TRARG1: variants seen among roughly 807,000 people sequenced by gnomAD.
TRARG1 encodes the protein trafficking regulator of GLUT4 1.
TRARG1 carries 16 observed loss-of-function variants against 13.3 expected under a neutral mutation model. The observed-to-expected ratio is 1.20, with a 90% CI of 0.81 to 1.83. The LOEUF is 1.83. TRARG1 is among the 40% of genes most tolerant of loss of function. The probability of loss-of-function intolerance (pLI) is 0.00; values close to 1 mark genes in which losing one functional copy is unlikely to be tolerated. For synonymous variants in TRARG1, 113 were observed against 106.2 expected, an observed-to-expected ratio of 1.06 and a Z score of -0.39; for missense variants, 250 against 237.4, an observed-to-expected ratio of 1.05 and a Z score of -0.35.
At chr17:1,295,744 G>GC (rs1567933279) in intron 2 of TRARG1, 121 bp downstream of exon 2, 2 of 1,242,144 alleles carry the variant, frequency 1.6e-6, no homozygotes, top group Admixed American at 5.1e-5. Context: ...GCTGGTGGGG[G>GC]CCCCGGCCTT....
intron 1 of TRARG1, among the ~76,000 whole-genome samples, chr17:1,282,100 ATG>A (rs1428418210): frequency 6.2e-5 from 9 of 145,326 alleles, no homozygotes; most frequent in South Asian, 4.4e-4. Context: ...ATATACGTAT[ATG>A]TGTACACATA....
intron 1 of TRARG1, among the ~76,000 whole-genome samples, chr17:1,282,062 G>GTGTACACATA (rs1725213159): frequency 2.8e-5 from 4 of 145,378 alleles, no homozygotes; most frequent in Admixed American, 2.7e-4. Flanking sequence ...ATATGTACAT[G>GTGTACACATA]TATACACATA....
At position 1,295,495 on chromosome 17, in the gene TRARG1, G is replaced by A. The variant is rs200319809; in HGVS notation, c.392G>A (p.Arg131Gln). 17 of 1,606,342 alleles carry A rather than the reference G, an allele frequency of 1.1e-5. No individual in the cohort carries two copies. The highest frequency in any genetic ancestry group is 1.7e-4 in the Middle Eastern group (1 of 6,030). ...LIPLIISIMS[R>Q]SSMQQGNVDG... ...CTCTCTGTGCTCTCTCCGCAGTCTC[G>A]AAGCAGCATGCAACAGGGCAACGTG... The change falls in exon 2 of 3, where the codon CGA (arginine) becomes CAA (glutamine). Residue 131 changes from arginine (R) to glutamine (Q), a missense_variant. Transcript: ENST00000333813.
In TRARG1 at chr17:1,279,930, A is replaced by G. The variant is rs2071958971; in HGVS notation, c.-72A>G. ...GGAGGCCCTCAGTCTGGGCTGGGGA[A>G]TGGCGCGCTGAGGTCCCTCCAGAGC... On this transcript the variant is annotated 5_prime_UTR_variant, in exon 1 of 3. The change abolishes an upstream ATG in the 5' untranslated region. Transcript: ENST00000333813. 6.6e-7 allele frequency: 1 copy of G among 1,511,822 alleles called. No homozygotes were observed. Among genetic ancestry groups the G allele is most frequent in the Admixed American group, 2.1e-5 (1 of 47,560 alleles). 93.7% of individuals were successfully genotyped at this position (1,511,822 alleles called of 1,614,324 possible). A position where few individuals can be genotyped will look rare whatever the true frequency, so the allele number is the denominator to read the frequency against.
At chr17:1,295,444 C>T (rs1234055940) in intron 1 of TRARG1, 47 bp from the exon 2 acceptor site, 36 of 1,549,070 alleles carry the variant, frequency 2.3e-5, no homozygotes, top group Non-Finnish European at 3.1e-5. Flanking sequence ...ATGAAGCTGA[C>T]CCACAGCCTT....
chr17:1,291,072 A>AT (rs200015111), intron 1 of TRARG1, among the ~76,000 whole-genome samples: 5,661 of 151,784 alleles, frequency 0.037, 159 homozygotes, highest in South Asian at 0.14. Context: ...TGCCCCGCTC[A>AT]TTTTTTTGTA....
intron 1 of TRARG1, among the ~76,000 whole-genome samples, chr17:1,290,837 T>C (rs2150810192): frequency 6.6e-6 from 1 of 151,826 alleles, no homozygotes; most frequent in Non-Finnish European, 1.5e-5. Context: ...GGTCATTGAA[T>C]CATGGGGGTG....
At chr17:1,282,223 T>C (rs1267170061) in intron 1 of TRARG1, among the ~76,000 whole-genome samples, 4 of 93,204 alleles carry the variant, frequency 4.3e-5, no homozygotes, top group Admixed American at 1.0e-4. Flanking sequence ...CGTATACACG[T>C]GCGTATATGT....
In TRARG1 at chr17:1,280,314, C is replaced by T; in HGVS notation, c.313C>T (p.Leu105Phe). ...AGACCAAGAAGCCCCCAGAGATTAC[C>T]TCATCCTGGCCGTCGTCGCCTGCTT... ...AQDQEAPRDYLILAVVACFCP... is the reference protein window; with the variant it reads ...AQDQEAPRDYFILAVVACFCP... Residue 105 changes from leucine (L) to phenylalanine (F), a missense_variant, in exon 1 of 3, where the codon CTC becomes TTC. By Grantham distance (22) the Leu-to-Phe change is conservative. Coordinates refer to ENST00000333813, the MANE Select transcript of TRARG1 (RefSeq NM_172367.3). 2 of 1,613,862 alleles carry T rather than the reference C, an allele frequency of 1.2e-6. No individual in the cohort carries two copies. The highest frequency in any genetic ancestry group is 1.7e-6 in the Non-Finnish European group (2 of 1,179,878).
rs35978298 is a variant in TRARG1, at chr17:1,297,592, CTTTTT to C, written c.521-637_521-633del. Among the ~76,000 whole-genome samples the C allele has an allele frequency of 7.9e-3, 771 of 97,906 alleles. 11 individuals are homozygous for C. Among genetic ancestry groups the C allele is most frequent in the African/African-American group, 0.029 (725 of 25,252 alleles). 64.2% of individuals were successfully genotyped at this position (97,906 alleles called of 152,430 possible). ...CTGCTGCTTGTTATTTTAGCCAGGA[CTTTTT>C]TTTTTTTTTTTTTTTTTTTTTCCCC... On this transcript the variant is annotated intron_variant, in intron 2 of 2. Coordinates refer to ENST00000333813, the MANE Select transcript of TRARG1 (RefSeq NM_172367.3).
At chr17:1,282,953 G>C (rs1351373746) in intron 1 of TRARG1, among the ~76,000 whole-genome samples, 1 of 152,164 alleles carries the variant, frequency 6.6e-6, no homozygotes, top group Non-Finnish European at 1.5e-5. Flanking sequence ...GCCGCCCAAA[G>C]TGCTGGGATT....
chr17:1,298,027 C>T (rs1033176510), intron 2 of TRARG1, among the ~76,000 whole-genome samples: 2 of 152,206 alleles, frequency 1.3e-5, no homozygotes, highest in African/African-American at 4.8e-5. Flanking sequence ...CCACCTCTGA[C>T]CCAGTGCCAC....
At chr17:1,296,520 T>TC (rs2072111912) in intron 2 of TRARG1, among the ~76,000 whole-genome samples, 1 of 145,830 alleles carries the variant, frequency 6.9e-6, no homozygotes, top group South Asian at 2.2e-4. Flanking sequence ...CTCTTTCTTT[T>TC]TTTTTTTTTG....
intron 1 of TRARG1, among the ~76,000 whole-genome samples, chr17:1,287,982 C>G (rs1411280488): frequency 6.6e-6 from 1 of 151,884 alleles, no homozygotes; most frequent in Non-Finnish European, 1.5e-5. Flanking sequence ...AACAAGAGTG[C>G]CCTCCCCACT....
intron 1 of TRARG1, among the ~76,000 whole-genome samples, chr17:1,284,902 G>A (rs998376548): frequency 2.0e-5 from 3 of 151,756 alleles, no homozygotes; most frequent in South Asian, 4.2e-4. Flanking sequence ...GGATGGTCTC[G>A]ATCTCCTGAC....
At chr17:1,287,553 G>C (rs1453233375) in intron 1 of TRARG1, among the ~76,000 whole-genome samples, 5 of 151,850 alleles carry the variant, frequency 3.3e-5, no homozygotes, top group Admixed American at 3.3e-4. Flanking sequence ...TAGTAGAGAT[G>C]GGGTTTCATT....
Position 1,282,074 on chromosome 17 carries a change from A to ATACACATATG in TRARG1, c.387+1690_387+1691insCATATGTACA, listed in dbSNP as rs1444529368. Among the ~76,000 whole-genome samples the ATACACATATG allele has an allele frequency of 2.5e-3, 366 of 147,348 alleles. 1 individual carries two copies. Among genetic ancestry groups the ATACACATATG allele is most frequent in the African/African-American group, 8.5e-3 (347 of 40,970 alleles). ...CACATATGTACATGTATACACATAT[A>ATACACATATG]TACATATATGTACATATATACGTAT... is the stretch of plus-strand genomic sequence containing the variant. On this transcript the variant is annotated intron_variant, in intron 1 of 2. Transcript: ENST00000333813.
intron 1 of TRARG1, among the ~76,000 whole-genome samples, chr17:1,284,322 C>A (rs62090257): frequency 1.6e-4 from 25 of 152,164 alleles, no homozygotes; most frequent in Non-Finnish European, 2.8e-4. Flanking sequence ...CTTTGCATGT[C>A]GTCTTCAAGC....
intron 1 of TRARG1, among the ~76,000 whole-genome samples, chr17:1,292,042 C>T (rs2072073004): frequency 6.6e-6 from 1 of 152,134 alleles, no homozygotes; most frequent in Admixed American, 6.6e-5. Context: ...GTGGTGGATG[C>T]CTGTAATCCC....
Sources: gnomAD v4.1 joint callset for allele counts (sites outside exome capture counted in the v4.1 genomes callset) on GRCh38, gnomAD v4.1.1 for gene constraint, MANE v1.5 for transcripts, NCBI Gene and HGNC (gene_info 2026-07-23, HGNC 2026-07-21) for gene names.